Variants in KATNAL1 observed in about 807,000 individuals in gnomAD.
KATNAL1 encodes the protein katanin p60 ATPase-containing subunit A-like 1.
In KATNAL1, 32 loss-of-function variants were observed where a neutral mutation model predicts 55.2. The ratio of observed to expected loss-of-function variants is 0.58; its 90% CI spans 0.44 to 0.78. The LOEUF is 0.78. KATNAL1 is among the 30% of genes least tolerant of loss of function. KATNAL1 has a pLI of 0.00. For synonymous variants in KATNAL1, 193 were observed against 193.6 expected (o/e 1.00, Z 0.02); for missense variants, 466 against 600.9 (o/e 0.78, Z 2.35).
chr13:30,257,156 A>AAAAAC, intron 3 of KATNAL1, among the ~76,000 whole-genome samples: 1 of 152,118 alleles, frequency 6.6e-6, no homozygotes, highest in African/African-American at 2.4e-5. Context: ...TAGTATTTCA[A>AAAAAC]TGTGACCACT....
intron 1 of KATNAL1, among the ~76,000 whole-genome samples, chr13:30,299,118 T>C (rs899595462): frequency 1.3e-5 from 2 of 152,138 alleles, no homozygotes; most frequent in Admixed American, 1.3e-4. Context: ...AATGAAATAA[T>C]ATCTTCCAAG....
chr13:30,235,873 CTAT>C (rs1277714621), intron 6 of KATNAL1, among the ~76,000 whole-genome samples: 1 of 151,852 alleles, frequency 6.6e-6, no homozygotes, highest in East Asian at 1.9e-4. Context: ...ATTGAATAGC[CTAT>C]TATTGATTTG....
chr13:30,205,063 T>TA lies in KATNAL1; in HGVS notation c.*3476dup, dbSNP rs1209844264. On this transcript the variant is annotated 3_prime_UTR_variant, in exon 11 of 11. Transcript: ENST00000380615. The stretch of plus-strand genomic sequence containing the variant: ...AATAAACAGGCAGCTTGGGAAATGG[T>TA]AAAAATTGTTCATTAAAATAGATCC... 3.9e-5 allele frequency: 6 copies of TA among 152,314 alleles called. No homozygotes were observed. Among genetic ancestry groups the TA allele is most frequent in the Middle Eastern group, 3.4e-3 (1 of 294 alleles). The allele number at this position is 152,314 out of a possible 1,614,324, so 9.4% of individuals were successfully genotyped here.
At chr13:30,231,699 A>C (rs1241388290) in intron 6 of KATNAL1, among the ~76,000 whole-genome samples, 1 of 152,118 alleles carries the variant, frequency 6.6e-6, no homozygotes, top group Non-Finnish European at 1.5e-5. Flanking sequence ...AACCTAACAA[A>C]AAGACTAGAC....
At chr13:30,252,195 T>C (rs1878379343) in intron 4 of KATNAL1, among the ~76,000 whole-genome samples, 2 of 152,086 alleles carry the variant, frequency 1.3e-5, no homozygotes, top group Admixed American at 1.3e-4. Flanking sequence ...ACAGGAAAAA[T>C]AATGCTGAGC....
At chr13:30,234,774 T>A (rs764672285) in intron 6 of KATNAL1, among the ~76,000 whole-genome samples, 1 of 152,248 alleles carries the variant, frequency 6.6e-6, no homozygotes, top group Non-Finnish European at 1.5e-5. Flanking sequence ...ATTTCCAATA[T>A]CAGTTCCCTG....
Position 30,265,189 on chromosome 13 carries a change from C to T in KATNAL1, c.324-9574G>A, listed in dbSNP as rs1294543276. ...ATTGAACAATGAGAACACATGGACA[C>T]AGGAAGGGGAACATCACACTCTGGG... is the stretch of plus-strand genomic sequence containing the variant. On this transcript the variant is annotated intron_variant, in intron 3 of 10. Coordinates refer to ENST00000380615, the MANE Select transcript of KATNAL1 (RefSeq NM_032116.5). Among the ~76,000 whole-genome samples the T allele has an allele frequency of 9.6e-3, 1,378 of 142,970 alleles. 21 individuals carry two copies. Among genetic ancestry groups the T allele is most frequent in the African/African-American group, 0.034 (1,289 of 38,214 alleles). 93.8% of individuals were successfully genotyped at this position (142,970 alleles called of 152,430 possible).
intron 3 of KATNAL1, among the ~76,000 whole-genome samples, chr13:30,267,801 A>G (rs1879892731): frequency 2.0e-5 from 3 of 152,194 alleles, no homozygotes; most frequent in East Asian, 3.8e-4. Flanking sequence ...ATAGAAGCAC[A>G]TGAGCTAAAG....
In KATNAL1 at chr13:30,241,032, C is replaced by T; in HGVS notation, c.547G>A (p.Gly183Ser). 1.2e-6 allele frequency: 2 copies of T among 1,613,574 alleles called. No homozygotes were observed. Among genetic ancestry groups the T allele is most frequent in the Non-Finnish European group, 1.7e-6 (2 of 1,179,756 alleles). The change falls in exon 5 of 11, where the codon GGT (glycine) becomes AGT (serine). Residue 183 changes from glycine (G) to serine (S), a missense_variant. Transcript: ENST00000380615. ...ASDGEMPKFD[G>S]AGYDKDLVEA... ...ACCAGATCCTTATCATAACCAGCAC[C>T]ATCAAATTTTGGCATTTCACCATCA...
chr13:30,248,380 A>G (rs946514069), intron 4 of KATNAL1, among the ~76,000 whole-genome samples: 2 of 152,234 alleles, frequency 1.3e-5, no homozygotes, highest in African/African-American at 4.8e-5. Context: ...CTTTACTATA[A>G]TCTAGTACAA....
chr13:30,271,883 A>G (rs1880398951), intron 3 of KATNAL1, among the ~76,000 whole-genome samples: 1 of 150,066 alleles, frequency 6.7e-6, no homozygotes, highest in East Asian at 1.9e-4. Context: ...AAGAGGAAAA[A>G]AAAAAAAAAA....
At chr13:30,212,369 A>T (rs1873771942) in intron 9 of KATNAL1, among the ~76,000 whole-genome samples, 1 of 152,232 alleles carries the variant, frequency 6.6e-6, no homozygotes, top group Admixed American at 6.5e-5. Flanking sequence ...CAGACTACCC[A>T]ATAGCCAGCG....
At chr13:30,216,483 A>C (rs1048255887) in intron 9 of KATNAL1, among the ~76,000 whole-genome samples, 15 of 152,206 alleles carry the variant, frequency 9.9e-5, no homozygotes, top group Non-Finnish European at 2.1e-4. Context: ...GACCAAGCAG[A>C]GCAGTGCCAA....
chr13:30,234,959 A>C (rs759956256), intron 6 of KATNAL1, among the ~76,000 whole-genome samples: 22 of 152,196 alleles, frequency 1.4e-4, no homozygotes, highest in Non-Finnish European at 2.2e-4. Context: ...TGCCAACAAG[A>C]CTACTCAGGA....
intron 4 of KATNAL1, among the ~76,000 whole-genome samples, chr13:30,245,034 CT>C (rs1206894337): frequency 3.3e-5 from 5 of 151,352 alleles, no homozygotes; most frequent in African/African-American, 9.7e-5. Flanking sequence ...AAAAAAGGGA[CT>C]CTTCCCTAGC....
At chr13:30,300,107 C>A (rs1882767583) in intron 1 of KATNAL1, among the ~76,000 whole-genome samples, 2 of 152,200 alleles carry the variant, frequency 1.3e-5, no homozygotes, top group Non-Finnish European at 2.9e-5. Context: ...AGGGATGTCA[C>A]TCATAATTCC....
intron 3 of KATNAL1, among the ~76,000 whole-genome samples, chr13:30,275,816 A>G (rs1046673316): frequency 6.6e-6 from 1 of 152,170 alleles, no homozygotes; most frequent in Non-Finnish European, 1.5e-5. Context: ...ATCAACCTGT[A>G]TACCTTAAAT....
intron 6 of KATNAL1, among the ~76,000 whole-genome samples, chr13:30,235,097 A>C (rs1379021884): frequency 6.6e-6 from 1 of 152,204 alleles, no homozygotes; most frequent in Non-Finnish European, 1.5e-5. Context: ...GCAATCATTC[A>C]ATTGATCACG....
At chr13:30,251,011 G>A (rs530793817) in intron 4 of KATNAL1, among the ~76,000 whole-genome samples, 8 of 152,092 alleles carry the variant, frequency 5.3e-5, no homozygotes, top group East Asian at 3.9e-4. Flanking sequence ...GGTGGCGGCC[G>A]CCTGTAGTCC....
Sources: gnomAD v4.1 joint callset for allele counts (sites outside exome capture counted in the v4.1 genomes callset) on GRCh38, gnomAD v4.1.1 for gene constraint, MANE v1.5 for transcripts, NCBI Gene and HGNC (gene_info 2026-07-23, HGNC 2026-07-21) for gene names.